NOX5: variants seen among roughly 807,000 people sequenced by gnomAD.
The protein encoded by NOX5 is NADPH oxidase, EF-hand calcium binding domain 5.
In NOX5, 76 loss-of-function variants were observed where a neutral mutation model predicts 85.7. The observed-to-expected ratio is 0.89, with a 90% CI of 0.74 to 1.07. NOX5 has a LOEUF of 1.07. Among genes scored for constraint, NOX5 ranks in the 50% least tolerant of loss-of-function variants. NOX5 has a pLI of 0.00. For missense variants in NOX5, 973 were observed against 999.5 expected, an observed-to-expected ratio of 0.97 and a Z score of 0.36; for synonymous variants, 405 against 401.4, an observed-to-expected ratio of 1.01 and a Z score of -0.11.
intron 4 of NOX5, 137 bp downstream of exon 4, chr15:69,031,949 G>A: frequency 1.2e-6 from 1 of 847,508 alleles, no homozygotes; most frequent in Non-Finnish European, 1.8e-6. Context: ...GCCCACTCTT[G>A]AGTGTACTGC....
chr15:69,040,832 C>T (rs1954730201), intron 9 of NOX5, among the ~76,000 whole-genome samples: 1 of 152,038 alleles, frequency 6.6e-6, no homozygotes, highest in African/African-American at 2.4e-5. Flanking sequence ...CACGTGCCAC[C>T]ATGCATGGCT....
chr15:69,016,364 G>A (rs897541818), intron 1 of NOX5, among the ~76,000 whole-genome samples: 5 of 152,224 alleles, frequency 3.3e-5, no homozygotes, highest in Non-Finnish European at 5.9e-5. Flanking sequence ...TCTGGCAGGG[G>A]CTGCCTGGAG....
intron 6 of NOX5, 21 bp downstream of exon 6, chr15:69,035,528 T>A (rs753824469): frequency 1.2e-6 from 2 of 1,613,184 alleles, no homozygotes; most frequent in Non-Finnish European, 1.7e-6. Context: ...TGGGGCAGGG[T>A]TGGGTCGGGG....
rs113109397 is a variant in NOX5 at position 69,034,921 on chromosome 15, G to A, written c.856-433G>A. Among the ~76,000 whole-genome samples, 642 of 152,008 alleles carry A rather than the reference G, an allele frequency of 4.2e-3. 1 individual carries two copies. Among genetic ancestry groups the A allele is most frequent in the African/African-American group, 0.015 (621 of 41,480 alleles). ...TTACAGGTGTGTGCCACCATGCCCA[G>A]CTAATTAAACAATTTTTTTTTTCTA... is the stretch of plus-strand genomic sequence containing the variant. On this transcript the variant is annotated intron_variant, in intron 5 of 15. Coordinates refer to ENST00000388866, the MANE Select transcript of NOX5 (RefSeq NM_024505.4).
At chr15:69,021,261 C>T (rs1262383399) in intron 1 of NOX5, among the ~76,000 whole-genome samples, 1 of 151,692 alleles carries the variant, frequency 6.6e-6, no homozygotes, top group East Asian at 1.9e-4. Context: ...GTTTATCATT[C>T]TTTGAAGATT....
chr15:69,031,256 G>A (rs2050424788), intron 3 of NOX5: 1 of 530,438 alleles, frequency 1.9e-6, no homozygotes. Flanking sequence ...GTAAGCAGGT[G>A]TATTTTCTGG....
chr15:69,046,630 G>T (rs551671339), intron 10 of NOX5, among the ~76,000 whole-genome samples, 192 bp from the exon 11 acceptor site: 1 of 152,114 alleles, frequency 6.6e-6, no homozygotes, highest in Non-Finnish European at 1.5e-5. Flanking sequence ...TTATCCCTTC[G>T]CCAGAAGTCA....
At chr15:69,023,748 G>A (rs767691472) in intron 1 of NOX5, 7 of 168,412 alleles carry the variant, frequency 4.2e-5, no homozygotes, top group African/African-American at 1.2e-4. Context: ...AGACAAAGGT[G>A]GACACCTTCA....
rs370910243 is a variant in NOX5 at position 69,017,068 on chromosome 15, C to T, written c.50+2283C>T. On this transcript the variant is annotated intron_variant, in intron 1 of 15. Coordinates refer to ENST00000388866, the MANE Select transcript of NOX5 (RefSeq NM_024505.4). ...CTCTATTGTCTTTGAAGCCTGCTAC[C>T]TGGAGGCTTTACCTGAATGACGAAA... 7.9e-5 allele frequency among the ~76,000 whole-genome samples: 12 copies of T among 152,256 alleles called. No homozygotes were observed. The East Asian group carries it at 1.9e-3, about 24-fold the overall frequency.
chr15:69,049,352 G>A (rs1203938923), intron 14 of NOX5, among the ~76,000 whole-genome samples: 3 of 151,660 alleles, frequency 2.0e-5, no homozygotes, highest in South Asian at 2.1e-4. Context: ...CACCACTTCC[G>A]CTAATTTTTT....
At chr15:69,050,945 G>A (rs969454904) in intron 14 of NOX5, among the ~76,000 whole-genome samples, 9 of 152,310 alleles carry the variant, frequency 5.9e-5, no homozygotes, top group South Asian at 4.1e-4. Flanking sequence ...TCGAGGTATC[G>A]TTTATCCTAG....
chr15:69,031,444 C>T (rs1567096809), intron 3 of NOX5, 74 bp from the exon 4 acceptor site: 7 of 1,509,512 alleles, frequency 4.6e-6, no homozygotes, highest in Non-Finnish European at 5.4e-6. Context: ...GTTGCATGGT[C>T]TATACCCCCA....
In NOX5 at chr15:69,014,696, G is replaced by A. The variant is rs1328377691; in HGVS notation, c.-40G>A. 6.5e-7 allele frequency: 1 copy of A among 1,549,900 alleles called. No individual in the cohort carries two copies. On this transcript the variant is annotated 5_prime_UTR_variant, in exon 1 of 16. Coordinates refer to ENST00000388866, the MANE Select transcript of NOX5 (RefSeq NM_024505.4). The stretch of plus-strand genomic sequence containing the variant: ...CACAGTGCAGGCAGCTCAATGGACA[G>A]CAGTCTTTCTGGGACCTGTGATCTA...
At chr15:69,029,789 C>G (rs1486839715) in intron 3 of NOX5, 4 of 152,194 alleles carry the variant, frequency 2.6e-5, no homozygotes, top group Non-Finnish European at 5.9e-5. Flanking sequence ...AAGTGATTCT[C>G]CAGCCTCAGT....
At chr15:69,040,706 T>C (rs2050583518) in intron 9 of NOX5, among the ~76,000 whole-genome samples, 1 of 152,150 alleles carries the variant, frequency 6.6e-6, no homozygotes, top group African/African-American at 2.4e-5. Flanking sequence ...GTTCTTTTTT[T>C]TTTAGAGTCT....
At position 69,026,598 on chromosome 15, in the gene NOX5, G is replaced by T. The variant is rs369517329; in HGVS notation, c.121G>T (p.Glu41Ter). The change falls in exon 2 of 16, where the codon GAA becomes TAA. Residue 41 changes from glutamate (E) to a stop codon, truncating the protein, a stop_gained. Coordinates refer to ENST00000388866, the MANE Select transcript of NOX5 (RefSeq NM_024505.4). LOFTEE classifies it high-confidence loss of function. ...TCAGCAGTTTAAGACCATTGCAGGA[G>T]AAGATGGGGAGATCAGCCTGCAAGA... The part of the protein sequence containing the change: ...VTQQFKTIAG[E>*]DGEISLQEFK... 18 of 1,614,230 alleles carry T rather than the reference G, an allele frequency of 1.1e-5. No homozygotes were observed. Among genetic ancestry groups the T allele is most frequent in the Non-Finnish European group, 1.5e-5 (18 of 1,180,042 alleles).
intron 10 of NOX5, among the ~76,000 whole-genome samples, chr15:69,045,644 T>TC (rs1437249464): frequency 1.4e-5 from 2 of 145,842 alleles, no homozygotes; most frequent in African/African-American, 2.6e-5. Context: ...CTTCTCTCTC[T>TC]CCCCCTCCCT....
At chr15:69,014,933 G>A (rs2050213436) in intron 1 of NOX5, 148 bp downstream of exon 1, 1 of 659,900 alleles carries the variant, frequency 1.5e-6, no homozygotes, top group South Asian at 1.9e-5. Flanking sequence ...CTACTAGCAA[G>A]CTGGGCAATC....
chr15:69,049,838 A>T (rs1319083439), intron 14 of NOX5, among the ~76,000 whole-genome samples: 1 of 152,236 alleles, frequency 6.6e-6, no homozygotes, highest in Non-Finnish European at 1.5e-5. Context: ...TAATTTACAT[A>T]CAATAAAATT....
Sources: gnomAD v4.1 joint callset for allele counts (sites outside exome capture counted in the v4.1 genomes callset) on GRCh38, gnomAD v4.1.1 for gene constraint, MANE v1.5 for transcripts, NCBI Gene and HGNC (gene_info 2026-07-23, HGNC 2026-07-21) for gene names.